The following NECAB1 variants were observed in gnomAD, a reference collection of about 807,000 sequenced individuals.
NECAB1 encodes the protein N-terminal EF-hand calcium binding protein 1.
A neutral mutation model predicts 57.5 loss-of-function variants in NECAB1; 29 were observed. The ratio of observed to expected loss-of-function variants is 0.50; its 90% CI spans 0.38 to 0.69. NECAB1 has a LOEUF of 0.69. Ranked by LOEUF, NECAB1 falls within the 30% of genes least tolerant of loss-of-function variation. The pLI is 0.00. For missense variants in NECAB1, 372 were observed against 413.8 expected (o/e 0.90, Z 0.88); for synonymous variants, 142 against 147.7 (o/e 0.96, Z 0.28).
chr8:90,925,981 C>T (rs1810259073), intron 7 of NECAB1, among the ~76,000 whole-genome samples: 1 of 152,114 alleles, frequency 6.6e-6, no homozygotes, highest in South Asian at 2.1e-4. Context: ...AGGGACTCTA[C>T]CCTAATATGC....
At chr8:90,805,721 T>C (rs984669869) in intron 2 of NECAB1, among the ~76,000 whole-genome samples, 1 of 151,868 alleles carries the variant, frequency 6.6e-6, no homozygotes, top group African/African-American at 2.4e-5. Flanking sequence ...ATTTTTTAAA[T>C]TTAAATATAT....
intron 2 of NECAB1, among the ~76,000 whole-genome samples, chr8:90,801,926 T>C (rs193203558): frequency 2.0e-5 from 3 of 152,352 alleles, no homozygotes; most frequent in Admixed American, 2.0e-4. Flanking sequence ...TGTTTATGCC[T>C]TTGAAGTGAG....
At chr8:90,913,597 C>T (rs1429145628) in intron 5 of NECAB1, among the ~76,000 whole-genome samples, 1 of 152,152 alleles carries the variant, frequency 6.6e-6, no homozygotes, top group Non-Finnish European at 1.5e-5. Context: ...GAATGCATGC[C>T]TTATGCCAAC....
intron 3 of NECAB1, among the ~76,000 whole-genome samples, chr8:90,855,527 C>T (rs2129791219): frequency 6.6e-6 from 1 of 152,296 alleles, no homozygotes; most frequent in African/African-American, 2.4e-5. Flanking sequence ...GATAAGGTTG[C>T]TTATGAAGCA....
chr8:90,921,953 A>G (rs914866245), intron 6 of NECAB1, among the ~76,000 whole-genome samples: 6 of 152,214 alleles, frequency 3.9e-5, no homozygotes, highest in African/African-American at 7.2e-5. Context: ...GTAAAAATGG[A>G]TATTTGAGAG....
intron 1 of NECAB1, 126 bp downstream of exon 1, chr8:90,792,111 G>A (rs2130633487): frequency 1.4e-6 from 1 of 714,558 alleles, no homozygotes; most frequent in Non-Finnish European, 2.4e-6. Context: ...GAGAACTACC[G>A]ATGCAAATGC....
At chr8:90,821,472 G>A (rs1812143436) in intron 2 of NECAB1, among the ~76,000 whole-genome samples, 1 of 151,494 alleles carries the variant, frequency 6.6e-6, no homozygotes, top group African/African-American at 2.4e-5. Flanking sequence ...TATACCCTTT[G>A]GCTAAGTATA....
At chr8:90,924,937 C>T (rs910582526) in intron 6 of NECAB1, among the ~76,000 whole-genome samples, 5 of 151,492 alleles carry the variant, frequency 3.3e-5, no homozygotes, top group African/African-American at 1.2e-4. Context: ...CAGTATATAA[C>T]ATATACTGTA....
At chr8:90,941,774 T>C (rs2130241940) in intron 10 of NECAB1, among the ~76,000 whole-genome samples, 1 of 152,348 alleles carries the variant, frequency 6.6e-6, no homozygotes, top group Non-Finnish European at 1.5e-5. Context: ...CAGACCTGGC[T>C]ATTCTTCCTC....
chr8:90,933,701 C>A (rs555455646), intron 8 of NECAB1, among the ~76,000 whole-genome samples: 7 of 152,128 alleles, frequency 4.6e-5, no homozygotes, highest in Non-Finnish European at 7.4e-5. Flanking sequence ...CAAGCAAATA[C>A]CACCTGTTCC....
At chr8:90,927,448 CA>C (rs1434765341) in intron 7 of NECAB1, among the ~76,000 whole-genome samples, 1 of 152,016 alleles carries the variant, frequency 6.6e-6, no homozygotes, top group Non-Finnish European at 1.5e-5. Flanking sequence ...ACTACTTCAG[CA>C]AATGCCTATG....
At chr8:90,847,991 T>A (rs764040361) in intron 3 of NECAB1, among the ~76,000 whole-genome samples, 2 of 152,270 alleles carry the variant, frequency 1.3e-5, no homozygotes, top group Non-Finnish European at 2.9e-5. Context: ...TTGTTACTTA[T>A]GCAAATTTCT....
intron 3 of NECAB1, among the ~76,000 whole-genome samples, chr8:90,844,790 C>A: frequency 1.4e-5 from 1 of 72,148 alleles, no homozygotes; most frequent in Middle Eastern, 6.2e-3. Context: ...GAGCTACGTT[C>A]TTCTAAATCT....
intron 3 of NECAB1, among the ~76,000 whole-genome samples, chr8:90,840,185 C>T (rs1484151206): frequency 6.6e-6 from 1 of 152,170 alleles, no homozygotes; most frequent in Non-Finnish European, 1.5e-5. Flanking sequence ...TTGAGTTAGA[C>T]GTGACTTGAC....
chr8:90,917,563 G>A lies in NECAB1; in HGVS notation c.429G>A (p.Leu143=). Residue 143 remains leucine (L), a synonymous_variant, in exon 6 of 13, where the codon CTG becomes CTA. Coordinates refer to ENST00000417640, the MANE Select transcript of NECAB1 (RefSeq NM_022351.5). ...RFLLKETLNQ[L]QSLQNSLECA... is the part of the protein sequence containing the mutation. The stretch of plus-strand genomic sequence containing the variant: ...TATTGAAGGAAACCCTGAATCAGCT[G>A]CAGTCTCTCCAGAATTCCCTGGAAT... The A allele has an allele frequency of 6.2e-7, 1 of 1,611,968 alleles. No homozygotes were observed. The highest frequency in any genetic ancestry group is 1.3e-5 in the African/African-American group (1 of 74,856).
intron 3 of NECAB1, among the ~76,000 whole-genome samples, chr8:90,842,002 A>C (rs1394251472): frequency 6.6e-6 from 1 of 152,164 alleles, no homozygotes; most frequent in African/African-American, 2.4e-5. Flanking sequence ...ACATGGACAC[A>C]TGGTGGGGAA....
At chr8:90,905,299 AC>A (rs1208273836) in intron 5 of NECAB1, among the ~76,000 whole-genome samples, 9 of 152,226 alleles carry the variant, frequency 5.9e-5, no homozygotes. Flanking sequence ...ATGAAGAATT[AC>A]TGAAACTCTT....
intron 3 of NECAB1, among the ~76,000 whole-genome samples, chr8:90,853,705 A>G (rs1812733610): frequency 6.6e-6 from 1 of 152,198 alleles, no homozygotes; most frequent in South Asian, 2.1e-4. Context: ...AGACATTAAG[A>G]AACTAGTATT....
chr8:90,940,850 C>G lies in NECAB1; in HGVS notation c.812C>G (p.Ala271Gly), dbSNP rs1292854340. The change falls in exon 10 of 13, where the codon GCT becomes GGT. Residue 271 changes from alanine to glycine, a missense_variant. Physicochemically the swap from Ala to Gly is moderately conservative, Grantham distance 60 (BLOSUM62 0). Transcript: ENST00000417640. Reference protein sequence around the residue: ...IEEDLEEFQLALKHYVESASS... With the variant: ...IEEDLEEFQLGLKHYVESASS... ...GAGGACCTGGAAGAATTCCAGCTCG[C>G]TCTGAAACACTACGTGGAGAGTGCT... is the stretch of plus-strand genomic sequence containing the variant. The G allele has an allele frequency of 1.2e-5, 18 of 1,563,278 alleles. No homozygotes were observed. The highest frequency in any genetic ancestry group is 1.4e-5 in the Non-Finnish European group (16 of 1,153,478).
Sources: allele counts gnomAD v4.1 joint callset (sites outside exome capture counted in the v4.1 genomes callset), GRCh38; gene constraint gnomAD v4.1.1; transcripts MANE v1.5; gene names NCBI Gene and HGNC (gene_info 2026-07-23, HGNC 2026-07-21).